The following ERC2 variants were observed in gnomAD, a reference collection of about 807,000 sequenced individuals.
The protein encoded by ERC2 is ELKS/RAB6-interacting/CAST family member 2, also known as ERC protein 2.
ERC2 carries 42 observed loss-of-function variants against 114.8 expected under a neutral mutation model. The ratio of observed to expected loss-of-function variants is 0.37; its 90% CI spans 0.29 to 0.47. The LOEUF is 0.47. ERC2 is among the 20% of genes least tolerant of loss of function. The probability of loss-of-function intolerance (pLI) is 0.99; values close to 1 mark genes in which losing one functional copy is unlikely to be tolerated. For missense variants in ERC2, 939 were observed against 1,150.7 expected (o/e 0.82, Z 2.66); for synonymous variants, 454 against 425.5 (o/e 1.07, Z -0.82).
intron 7 of ERC2, among the ~76,000 whole-genome samples, chr3:56,031,764 C>T: frequency 6.6e-6 from 1 of 152,110 alleles, no homozygotes; most frequent in East Asian, 1.9e-4. Flanking sequence ...GAAAATAACA[C>T]ACAAACAATA....
chr3:55,886,608 T>A (rs1319695109), intron 14 of ERC2, among the ~76,000 whole-genome samples: 2 of 152,234 alleles, frequency 1.3e-5, no homozygotes, highest in East Asian at 3.8e-4. Context: ...TTTCTTCAAT[T>A]ATTTAATACT....
chr3:56,446,716 C>T (rs1214161636), intron 1 of ERC2, among the ~76,000 whole-genome samples: 1 of 145,674 alleles, frequency 6.9e-6, no homozygotes, highest in African/African-American at 2.6e-5. Flanking sequence ...CCCTCCAACT[C>T]CCAGGTTCAC....
chr3:56,299,059 C>CTATA (rs143466343), intron 2 of ERC2, among the ~76,000 whole-genome samples: 9 of 147,436 alleles, frequency 6.1e-5, no homozygotes, highest in African/African-American at 2.3e-4. Flanking sequence ...TTTTATATAT[C>CTATA]TATATATATA....
intron 17 of ERC2, among the ~76,000 whole-genome samples, chr3:55,565,768 G>C (rs969440743): frequency 6.6e-6 from 1 of 152,136 alleles, no homozygotes; most frequent in African/African-American, 2.4e-5. Flanking sequence ...TCACTCAAAG[G>C]CTTTTAAAAT....
rs772416190 is a variant in ERC2, at chr3:56,446,628, TC to T, written c.-140-11482del. Among the ~76,000 whole-genome samples, 134 of 140,870 alleles carry T rather than the reference TC, an allele frequency of 9.5e-4. 10 individuals are homozygous for T. Among genetic ancestry groups the T allele is most frequent in the South Asian group, 2.1e-3 (9 of 4,204 alleles). 92.4% of individuals were successfully genotyped at this position (140,870 alleles called of 152,430 possible). A position where few individuals can be genotyped will look rare whatever the true frequency, so the allele number is the denominator to read the frequency against. On this transcript the variant is annotated intron_variant, in intron 1 of 17. Coordinates refer to ENST00000288221, the MANE Select transcript of ERC2 (RefSeq NM_015576.3). ...ATTTTCTTCTTTTTTTTTTTTTCTT[TC>T]TTTTTTTTTTTTTTGAGACGGGGTC...
intron 3 of ERC2, among the ~76,000 whole-genome samples, chr3:56,240,908 A>G (rs1476485881): frequency 1.3e-5 from 2 of 152,142 alleles, no homozygotes; most frequent in African/African-American, 2.4e-5. Context: ...TTGGGTTTCC[A>G]TTGTACCCAT....
chr3:55,952,175 ACACACTCTCT>A (rs1333087869), intron 12 of ERC2, among the ~76,000 whole-genome samples: 1,757 of 63,234 alleles, frequency 0.028, 83 homozygotes, highest in Middle Eastern at 0.052. Context: ...ACACACACAC[ACACACTCTCT>A]CTCTCTCTCT....
At chr3:56,060,636 C>G (rs903666137) in intron 7 of ERC2, among the ~76,000 whole-genome samples, 7 of 152,168 alleles carry the variant, frequency 4.6e-5, no homozygotes, top group African/African-American at 1.7e-4. Context: ...TCCTGGCCTG[C>G]CAAGCTTAAT....
At chr3:56,019,803 T>C (rs917061246) in intron 7 of ERC2, among the ~76,000 whole-genome samples, 16 of 152,204 alleles carry the variant, frequency 1.1e-4, no homozygotes, top group African/African-American at 3.6e-4. Flanking sequence ...ATGTTTTTAT[T>C]CTCTGCTTTC....
chr3:55,653,221 T>TGG (rs2060712201), intron 17 of ERC2, among the ~76,000 whole-genome samples: 1 of 820 alleles, frequency 1.2e-3, no homozygotes, highest in Non-Finnish European at 3.8e-3. Flanking sequence ...ATATATTTTA[T>TGG]GTGTGTAAGT....
rs367700581 is a variant in ERC2 at position 56,301,610 on chromosome 3, C to T, written c.658-5175G>A. Among the ~76,000 whole-genome samples, 8 of 152,134 alleles carry T rather than the reference C, an allele frequency of 5.3e-5. No individual in the cohort carries two copies. In the East Asian group the frequency reaches 1.5e-3, roughly 29 times the overall value. On this transcript the variant is annotated intron_variant, in intron 2 of 17. Transcript: ENST00000288221. ...ACCAAGCTGGGCACAGTGGCATATG[C>T]CTATAGTCCCAGCTACTTGGGAGGC... is the stretch of plus-strand genomic sequence containing the variant.
At chr3:55,690,035 T>C (rs1229755175) in intron 16 of ERC2, among the ~76,000 whole-genome samples, 2 of 152,126 alleles carry the variant, frequency 1.3e-5, no homozygotes, top group Admixed American at 6.5e-5. Context: ...GGCAAAATGG[T>C]GTGTCTAAAA....
intron 17 of ERC2, among the ~76,000 whole-genome samples, chr3:55,521,854 G>A (rs1014199566): frequency 6.6e-6 from 1 of 152,218 alleles, no homozygotes; most frequent in African/African-American, 2.4e-5. Flanking sequence ...GACACACGCT[G>A]GCCTGGGTCG....
chr3:55,822,365 A>G (rs2060158443), intron 14 of ERC2, among the ~76,000 whole-genome samples: 1 of 152,180 alleles, frequency 6.6e-6, no homozygotes, highest in Non-Finnish European at 1.5e-5. Context: ...TGTTGCTACA[A>G]TATAATCTTC....
At chr3:55,832,062 C>T (rs1023367052) in intron 14 of ERC2, among the ~76,000 whole-genome samples, 2 of 152,224 alleles carry the variant, frequency 1.3e-5, no homozygotes, top group African/African-American at 2.4e-5. Flanking sequence ...GAGGGGCGCC[C>T]GCCATTGCCC....
intron 2 of ERC2, 80 bp from the exon 3 acceptor site, chr3:56,296,515 C>T: frequency 1.4e-6 from 2 of 1,404,700 alleles, no homozygotes; most frequent in Non-Finnish European, 1.9e-6. Flanking sequence ...CTTGCTGCCA[C>T]CACACTATGA....
At chr3:55,770,394 A>T (rs577969474) in intron 14 of ERC2, among the ~76,000 whole-genome samples, 3 of 152,308 alleles carry the variant, frequency 2.0e-5, no homozygotes, top group South Asian at 4.1e-4. Flanking sequence ...CCAAAATATT[A>T]AAAAATCCCA....
rs1476146076 is a variant in ERC2, at chr3:55,808,249, T to C, written c.2565-73331A>G. ...TGGGGCCTAGTGACCTAAAATAAGA[T>C]GAAAGTAGAATTTCTTGTGGGCCTC... is the stretch of plus-strand genomic sequence containing the variant. On this transcript the variant is annotated intron_variant, in intron 14 of 17. Coordinates refer to ENST00000288221, the MANE Select transcript of ERC2 (RefSeq NM_015576.3). Among the ~76,000 whole-genome samples, 5 of 152,080 alleles carry C rather than the reference T, an allele frequency of 3.3e-5. No individual in the cohort carries two copies. The South Asian group carries it at 8.3e-4, about 25-fold the overall frequency.
intron 17 of ERC2, among the ~76,000 whole-genome samples, chr3:55,656,806 A>G (rs539948141): frequency 7.9e-4 from 87 of 109,686 alleles, no homozygotes; most frequent in African/African-American, 2.5e-3. Context: ...TGTGGCAAGC[A>G]CAGTCCCCTT....
Sources: allele counts gnomAD v4.1 joint callset (sites outside exome capture counted in the v4.1 genomes callset), GRCh38; gene constraint gnomAD v4.1.1; transcripts MANE v1.5; gene names NCBI Gene and HGNC (gene_info 2026-07-23, HGNC 2026-07-21).